DNAJC17: variants seen among roughly 807,000 people sequenced by gnomAD.
The protein encoded by DNAJC17 is DnaJ heat shock protein family (Hsp40) member C17.
A neutral mutation model predicts 48.1 loss-of-function variants in DNAJC17; 35 were observed. The ratio of observed to expected loss-of-function variants is 0.73; its 90% CI spans 0.56 to 0.96. DNAJC17 has a LOEUF of 0.96. Ranked by LOEUF, DNAJC17 falls within the 50% of genes least tolerant of loss-of-function variation. DNAJC17 has a pLI of 0.00. For missense variants in DNAJC17, 355 were observed against 377.1 expected (o/e 0.94, Z 0.48); for synonymous variants, 117 against 142.7 (o/e 0.82, Z 1.28).
At chr15:40,784,818 C>T (rs1475651418) in intron 1 of DNAJC17, among the ~76,000 whole-genome samples, 2 of 152,120 alleles carry the variant, frequency 1.3e-5, no homozygotes, top group African/African-American at 4.8e-5. Flanking sequence ...TATCTCTGGG[C>T]CGGGCGTGTT....
chr15:40,769,756 G>A lies in DNAJC17; in HGVS notation c.793-1694C>T, dbSNP rs540714961. Among the ~76,000 whole-genome samples, 5 of 152,306 alleles carry A rather than the reference G, an allele frequency of 3.3e-5. No homozygotes were observed. The East Asian group carries it at 9.6e-4, about 29-fold the overall frequency. ...CAGGCGCACCTGCTGGGGGCCCAGG[G>A]TGGTGGGGCTGTGATCAGAAAGGAA... On this transcript the variant is annotated intron_variant, in intron 10 of 10. Transcript: ENST00000220496. This position sits in a 1 kb window ranked among gnomAD's most constrained non-coding sequence, Gnocchi z 4.2.
At chr15:40,798,707 A>G (rs1333507060) in intron 1 of DNAJC17, among the ~76,000 whole-genome samples, 3 of 152,158 alleles carry the variant, frequency 2.0e-5, no homozygotes, top group African/African-American at 7.2e-5. Flanking sequence ...CAGAGGTGAC[A>G]AAATCTGATT....
chr15:40,771,322 C>T (rs529213608), intron 10 of DNAJC17: 12 of 428,320 alleles, frequency 2.8e-5, no homozygotes, highest in Admixed American at 7.9e-5. Context: ...GAGGCTGTGC[C>T]GGGAAAGGGA....
At chr15:40,781,903 C>T (rs1889504279) in intron 1 of DNAJC17, among the ~76,000 whole-genome samples, 1 of 151,688 alleles carries the variant, frequency 6.6e-6, no homozygotes, top group Non-Finnish European at 1.5e-5. Flanking sequence ...GCCTGGGAGA[C>T]AGAATGAGAC....
Position 40,767,279 on chromosome 15 carries a change from G to A in DNAJC17, c.*661C>T. 1 of 1,604,092 alleles carries A rather than the reference G, an allele frequency of 6.2e-7. No homozygotes were observed. On this transcript the variant is annotated 3_prime_UTR_variant, in exon 11 of 11. Coordinates refer to ENST00000220496, the MANE Select transcript of DNAJC17 (RefSeq NM_018163.3). The stretch of plus-strand genomic sequence containing the variant: ...CGCATAGTCCTGGACAAGCTGGAAC[G>A]CAGGGGCTTCCGTGTGCTGAGCATG...
chr15:40,769,802 G>A lies in DNAJC17; in HGVS notation c.793-1740C>T, dbSNP rs1472418735. On this transcript the variant is annotated intron_variant, in intron 10 of 10. Transcript: ENST00000220496. The surrounding 1 kb of genome is among the most constrained non-coding windows in gnomAD (Gnocchi z 4.2). ...AGGAAGCCGCGTGGTGACACATAAA[G>A]CAGGGCTGCCCCCACACGAGTCCCC... is the stretch of plus-strand genomic sequence containing the variant. The A allele has an allele frequency of 6.6e-6, 1 of 152,480 alleles. No individual in the cohort carries two copies. Among genetic ancestry groups the A allele is most frequent in the African/African-American group, 2.4e-5 (1 of 41,466 alleles). The allele number at this position is 152,480 out of a possible 1,614,324, so 9.4% of individuals were successfully genotyped here. A position where few individuals can be genotyped will look rare whatever the true frequency, so the allele number is the denominator to read the frequency against.
intron 1 of DNAJC17, among the ~76,000 whole-genome samples, chr15:40,798,303 T>C (rs1889990138): frequency 6.6e-6 from 1 of 152,052 alleles, no homozygotes; most frequent in African/African-American, 2.4e-5. Flanking sequence ...CAAATTCATA[T>C]AGAGAAAGAA....
At chr15:40,797,122 C>T (rs1356636048) in intron 1 of DNAJC17, among the ~76,000 whole-genome samples, 1 of 152,134 alleles carries the variant, frequency 6.6e-6, no homozygotes, top group Non-Finnish European at 1.5e-5. Flanking sequence ...GTAATCCTAG[C>T]ACTTTGGGAA....
intron 10 of DNAJC17, among the ~76,000 whole-genome samples, chr15:40,773,052 C>T (rs927258974): frequency 6.6e-6 from 1 of 151,770 alleles, no homozygotes; most frequent in African/African-American, 2.4e-5. Context: ...CCTCTGCCTC[C>T]CTGGTTCAAG....
chr15:40,783,342 G>A (rs1393279273), intron 1 of DNAJC17, among the ~76,000 whole-genome samples: 1 of 152,132 alleles, frequency 6.6e-6, no homozygotes, highest in East Asian at 1.9e-4. Context: ...AGTCTGTTGG[G>A]TGTTTGTTCC....
In DNAJC17 at chr15:40,767,501, C is replaced by A; in HGVS notation, c.*439G>T. ...GCCCCAAAGGGCAGTGAATGGCCTT[C>A]TCTGAAACCCTGCGTCAAGCAGTGG... On this transcript the variant is annotated 3_prime_UTR_variant, in exon 11 of 11. Coordinates refer to ENST00000220496, the MANE Select transcript of DNAJC17 (RefSeq NM_018163.3). 1.2e-6 allele frequency: 1 copy of A among 857,060 alleles called. No homozygotes were observed. Among genetic ancestry groups the A allele is most frequent in the Non-Finnish European group, 1.7e-6 (1 of 587,026 alleles). The allele number at this position is 857,060 out of a possible 1,614,324, so 53.1% of individuals were successfully genotyped here. A position where few individuals can be genotyped will look rare whatever the true frequency, so the allele number is the denominator to read the frequency against.
chr15:40,765,486 G>A lies in DNAJC17; in HGVS notation c.*2454C>T, dbSNP rs1444462901. The A allele has an allele frequency of 1.7e-5, 3 of 180,370 alleles. No individual in the cohort carries two copies. The highest frequency in any genetic ancestry group is 1.4e-4 in the East Asian group (1 of 7,204). 11.2% of individuals were successfully genotyped at this position (180,370 alleles called of 1,614,324 possible). On this transcript the variant is annotated 3_prime_UTR_variant, in exon 11 of 11. Coordinates refer to ENST00000220496, the MANE Select transcript of DNAJC17 (RefSeq NM_018163.3). ...GAGTCTCACTCTGTCACCCAGGCTG[G>A]AGTGCAGTGGTGCAATCATGGCTCA... is the stretch of plus-strand genomic sequence containing the variant.
chr15:40,796,258 C>T (rs1889938167), intron 1 of DNAJC17, among the ~76,000 whole-genome samples: 2 of 152,150 alleles, frequency 1.3e-5, no homozygotes, highest in Admixed American at 1.3e-4. Flanking sequence ...TCCTTTCCTT[C>T]CTGGATTTTT....
intron 1 of DNAJC17, among the ~76,000 whole-genome samples, chr15:40,785,404 G>A (rs910346079): frequency 3.3e-5 from 5 of 152,108 alleles, no homozygotes; most frequent in African/African-American, 4.8e-5. Context: ...TTTCAAATTC[G>A]GAATCTTCTA....
At chr15:40,776,315 G>A in intron 5 of DNAJC17, 23 bp from the exon 6 acceptor site, 1 of 1,609,952 alleles carries the variant, frequency 6.2e-7, no homozygotes, top group Non-Finnish European at 8.5e-7. Context: ...GGGTGGGGGT[G>A]ACAATTCTGT....
At position 40,766,993 on chromosome 15, in the gene DNAJC17, A is replaced by G. The variant is rs947297053; in HGVS notation, c.*947T>C. On this transcript the variant is annotated 3_prime_UTR_variant, in exon 11 of 11. Coordinates refer to ENST00000220496, the MANE Select transcript of DNAJC17 (RefSeq NM_018163.3). ...AACCCCTCTGTTTTCTCATCTATCAATGGCCACAACAGTGGCACCTTCACT... is the reference window on the plus strand; with the variant it reads ...AACCCCTCTGTTTTCTCATCTATCAGTGGCCACAACAGTGGCACCTTCACT... 8 of 366,836 alleles carry G rather than the reference A, an allele frequency of 2.2e-5. No homozygotes were observed. Among genetic ancestry groups the G allele is most frequent in the Non-Finnish European group, 3.9e-5 (8 of 205,716 alleles). 22.7% of individuals were successfully genotyped at this position (366,836 alleles called of 1,614,324 possible).
chr15:40,790,507 A>T (rs1217237510), intron 1 of DNAJC17, among the ~76,000 whole-genome samples: 2 of 152,182 alleles, frequency 1.3e-5, no homozygotes, highest in African/African-American at 4.8e-5. Context: ...TGAACCCAGG[A>T]GGCGGAGGTT....
At chr15:40,772,545 G>T in intron 10 of DNAJC17, 1 of 158,130 alleles carries the variant, frequency 6.3e-6, no homozygotes, top group Non-Finnish European at 1.5e-5. Flanking sequence ...AGGCCAGTTT[G>T]TTTCCCTCCA....
At chr15:40,806,867 A>C (rs1890244548) in intron 1 of DNAJC17, among the ~76,000 whole-genome samples, 1 of 150,410 alleles carries the variant, frequency 6.6e-6, no homozygotes, top group South Asian at 2.1e-4. Context: ...AATGGGCTTG[A>C]GTGGAAAAGA....
Sources: gnomAD v4.1 joint callset for allele counts (sites outside exome capture counted in the v4.1 genomes callset) on GRCh38, gnomAD v4.1.1 for gene constraint, Gnocchi (gnomAD v3.1) non-coding constraint, MANE v1.5 for transcripts, NCBI Gene and HGNC (gene_info 2026-07-23, HGNC 2026-07-21) for gene names.